Variants in LRRC37B observed in about 807,000 individuals in gnomAD.
LRRC37B encodes the protein leucine rich repeat containing 37B.
In LRRC37B, 28 loss-of-function variants were observed where a neutral mutation model predicts 98.3. That is an observed-to-expected ratio of 0.28 (90% CI 0.21 to 0.39). The LOEUF (loss-of-function observed/expected upper bound fraction) is 0.39. Ranked by LOEUF, LRRC37B falls within the 10% of genes least tolerant of loss-of-function variation. LRRC37B has a pLI of 1.00. For missense variants in LRRC37B, 938 were observed against 1,182.7 expected, an observed-to-expected ratio of 0.79 and a Z score of 3.03; for synonymous variants, 364 against 442.7, an observed-to-expected ratio of 0.82 and a Z score of 2.23.
chr17:32,013,926 A>C (rs1910594394), intron 1 of LRRC37B, among the ~76,000 whole-genome samples: 1 of 152,104 alleles, frequency 6.6e-6, no homozygotes, highest in African/African-American at 2.4e-5. Flanking sequence ...TCCTGTTGCC[A>C]CTCATGACCC....
chr17:32,034,949 A>G (rs201112439), exon 6 of LRRC37B: 10 of 1,612,218 alleles, frequency 6.2e-6, no homozygotes, highest in Middle Eastern at 1.7e-4. Context: ...TCGAAGATCC[A>G]TATCTCTTTG....
At chr17:32,011,203 G>T (rs974982202) in intron 1 of LRRC37B, among the ~76,000 whole-genome samples, 10 of 151,936 alleles carry the variant, frequency 6.6e-5, no homozygotes, top group Non-Finnish European at 1.3e-4. Context: ...CACTATGTTA[G>T]CCAGTCAGTT....
In LRRC37B at chr17:32,034,924, A is replaced by G. The variant is rs755625605; in HGVS notation, c.2072A>G (p.Asn691Ser). 3.1e-6 allele frequency: 5 copies of G among 1,612,138 alleles called. No individual in the cohort carries two copies. The South Asian group carries it at 3.3e-5, about 11-fold the overall frequency. Reference sequence around the variant, plus strand: ...GCATTTTTCAGAATTCTCAATCGCAATCCTCTGACTACTGTCGAAGATCCA... The same window carrying G: ...GCATTTTTCAGAATTCTCAATCGCAGTCCTCTGACTACTGTCGAAGATCCA... The change falls in exon 6 of 12, where the codon AAT (asparagine) becomes AGT (serine). Residue 691 changes from asparagine to serine, a missense_variant. Asn to Ser is a conservative substitution (Grantham distance 46). Transcript: ENST00000327564.
chr17:32,019,300 G>T (rs1290776971), upstream of LRRC37B, among the ~76,000 whole-genome samples: 6 of 152,146 alleles, frequency 3.9e-5, no homozygotes, highest in Non-Finnish European at 7.3e-5. Flanking sequence ...CTGCCATTGT[G>T]TTACAGTTGC....
chr17:32,032,570 TA>T (rs1221319935), intron 5 of LRRC37B, among the ~76,000 whole-genome samples: 1 of 152,098 alleles, frequency 6.6e-6, no homozygotes, highest in Non-Finnish European at 1.5e-5. Context: ...CTTTAGAAAA[TA>T]CTTTCCACCT....
intron 5 of LRRC37B, among the ~76,000 whole-genome samples, chr17:32,031,772 G>C (rs995951955): frequency 2.0e-5 from 3 of 151,464 alleles, no homozygotes; most frequent in Non-Finnish European, 3.0e-5. Flanking sequence ...TAGGAGCTGA[G>C]GGGGGCGGAT....
At chr17:32,008,315 C>T (rs561289609) in intron 1 of LRRC37B, among the ~76,000 whole-genome samples, 183 bp downstream of exon 1, 1 of 152,306 alleles carries the variant, frequency 6.6e-6, no homozygotes, top group South Asian at 2.1e-4. Flanking sequence ...AGGAAAGAAG[C>T]ACATTGTTCA....
intron 7 of LRRC37B, among the ~76,000 whole-genome samples, chr17:32,039,526 ATGTAT>A (rs1567617794): frequency 1.2e-5 from 1 of 81,286 alleles, no homozygotes; most frequent in African/African-American, 4.7e-5. Flanking sequence ...ATATATATGT[ATGTAT>A]TTTTATATAT....
At position 32,013,028 on chromosome 17, in the gene LRRC37B, G is replaced by GGCAA. The variant is rs146071789; in HGVS notation, c.-191+4896_-191+4897insGCAA. Among the ~76,000 whole-genome samples, 653 of 151,980 alleles carry GGCAA rather than the reference G, an allele frequency of 4.3e-3. 2 individuals are homozygous for GGCAA. Among genetic ancestry groups the GGCAA allele is most frequent in the African/African-American group, 0.015 (623 of 41,458 alleles). ...CAAGACCCCGTCTTGAAAACAGACA[G>GGCAA]ACAAACAAAAAACCATTATTTAATA... is the stretch of plus-strand genomic sequence containing the variant. On this transcript the variant is annotated intron_variant, in intron 1 of 14. Coordinates refer to the LRRC37B transcript ENST00000543378.
chr17:32,037,947 T>TAC (rs577973558), intron 7 of LRRC37B, among the ~76,000 whole-genome samples: 544 of 150,532 alleles, frequency 3.6e-3, no homozygotes, highest in Non-Finnish European at 4.8e-3. Context: ...CTCTACTAAA[T>TAC]ACACACACAC....
At chr17:32,027,677 A>G (rs979028805) in intron 2 of LRRC37B, 92 bp from the exon 6 acceptor site, 17 of 1,132,762 alleles carry the variant, frequency 1.5e-5, no homozygotes, top group Non-Finnish European at 1.9e-5. Flanking sequence ...AATGACCATG[A>G]CCCAGCTTTC....
At chr17:32,048,679 G>A (rs2957920) in intron 9 of LRRC37B, among the ~76,000 whole-genome samples, 5 of 152,140 alleles carry the variant, frequency 3.3e-5, no homozygotes, top group African/African-American at 7.2e-5. Context: ...ACAGAACACC[G>A]AAGGCCAAAA....
intron 9 of LRRC37B, among the ~76,000 whole-genome samples, chr17:32,048,246 A>T (rs1911645730): frequency 6.6e-6 from 1 of 151,814 alleles, no homozygotes. Context: ...AGCATCCAGG[A>T]AAGGCACTTC....
chr17:32,037,846 G>A (rs1359307609), intron 7 of LRRC37B, among the ~76,000 whole-genome samples: 2 of 152,012 alleles, frequency 1.3e-5, no homozygotes. Context: ...GGTGGCTCAT[G>A]CCTGTAATCC....
intron 7 of LRRC37B, among the ~76,000 whole-genome samples, chr17:32,038,087 A>C (rs1277017973): frequency 6.6e-6 from 1 of 151,954 alleles, no homozygotes; most frequent in Non-Finnish European, 1.5e-5. Flanking sequence ...AGATCACGCC[A>C]CTGCACTCCA....
intron 7 of LRRC37B, among the ~76,000 whole-genome samples, chr17:32,037,802 T>C (rs1167683479): frequency 2.6e-5 from 4 of 152,180 alleles, no homozygotes; most frequent in Non-Finnish European, 5.9e-5. Flanking sequence ...AGATTCATTA[T>C]TATTGAGTTT....
At chr17:32,050,234 G>T (rs1412348484) in intron 11 of LRRC37B, 127 bp downstream of exon 14, 1 of 690,304 alleles carries the variant, frequency 1.4e-6, no homozygotes, top group African/African-American at 1.8e-5. Context: ...TAAGGCTGAG[G>T]TGTGCTTTGT....
exon 1 of LRRC37B, chr17:32,021,446 A>G: frequency 2.5e-6 from 4 of 1,613,992 alleles, no homozygotes; most frequent in South Asian, 1.1e-5. Flanking sequence ...TCCTGAAGGA[A>G]TTGGATTCAG....
intron 7 of LRRC37B, among the ~76,000 whole-genome samples, chr17:32,036,976 ATTTTTTTTTTT>A (rs71360793): frequency 5.2e-4 from 27 of 51,666 alleles, no homozygotes; most frequent in African/African-American, 1.3e-3. Flanking sequence ...CATCTTCAGC[ATTTTTTTTTTT>A]TTTTTTTTTT....
Sources: gnomAD v4.1 joint callset for allele counts (sites outside exome capture counted in the v4.1 genomes callset) on GRCh38, gnomAD v4.1.1 for gene constraint, MANE v1.5 for transcripts, NCBI Gene and HGNC (gene_info 2026-07-23, HGNC 2026-07-21) for gene names.